KCNIP1: variants seen among roughly 807,000 people sequenced by gnomAD.
The protein encoded by KCNIP1 is A-type potassium channel modulatory protein KCNIP1.
Under a neutral mutation model 33.0 loss-of-function variants are expected in KCNIP1, and 18 were observed. The observed-to-expected ratio is 0.55, with a 90% confidence interval of 0.38 to 0.81. The LOEUF is 0.81. KCNIP1 is among the 30% of genes least tolerant of loss of function. KCNIP1 has a pLI of 0.00. For missense variants in KCNIP1, 238 were observed against 271.6 expected (o/e 0.88, Z 0.87); for synonymous variants, 93 against 98.3 (o/e 0.95, Z 0.32).
intron 1 of KCNIP1, among the ~76,000 whole-genome samples, chr5:170,662,423 C>T (rs147008181): frequency 2.0e-5 from 3 of 152,202 alleles, no homozygotes; most frequent in Non-Finnish European, 2.9e-5. Context: ...GCATCCATTT[C>T]TTCCAGGTTT....
chr5:170,675,241 G>A (rs559219174), intron 1 of KCNIP1, among the ~76,000 whole-genome samples: 1 of 152,088 alleles, frequency 6.6e-6, no homozygotes, highest in South Asian at 2.1e-4. Context: ...TGAGGCTGCA[G>A]TGAACCATGA....
At chr5:170,587,421 C>CAAAAAAAAAAAAAAAAAAAAAA (rs56358014) in intron 1 of KCNIP1, among the ~76,000 whole-genome samples, 18 of 70,336 alleles carry the variant, frequency 2.6e-4, no homozygotes, top group Non-Finnish European at 4.1e-4. Flanking sequence ...GACTCTGTCT[C>CAAAAAAAAAAAAAAAAAAAAAA]AAAAAAAAAA....
At chr5:170,613,436 C>T (rs757917306) in intron 1 of KCNIP1, among the ~76,000 whole-genome samples, 7 of 152,082 alleles carry the variant, frequency 4.6e-5, no homozygotes, top group Non-Finnish European at 7.3e-5. Flanking sequence ...CCCAAAACTC[C>T]ATTAATAGGT....
In KCNIP1 at chr5:170,504,775, G is replaced by A. The variant is rs1016560941; in HGVS notation, c.61+142G>A. On this transcript the variant is annotated intron_variant, in intron 1 of 7. Transcript: ENST00000328939. The surrounding 1 kb of genome is among the most constrained non-coding windows in gnomAD (Gnocchi z 6.0). ...CAGGTGCTTGTATCCAAAGGAGAGA[G>A]AAATCGGCGGGAGGGCTGGTGTGAA... 1 of 719,424 alleles carries A rather than the reference G, an allele frequency of 1.4e-6. No homozygotes were observed. The highest frequency in any genetic ancestry group is 1.8e-5 in the African/African-American group (1 of 56,590). 44.6% of individuals were successfully genotyped at this position (719,424 alleles called of 1,614,324 possible). A position where few individuals can be genotyped will look rare whatever the true frequency, so the allele number is the denominator to read the frequency against.
In KCNIP1 at chr5:170,382,613, C is replaced by T. The variant is rs569727989; in HGVS notation, c.88+28649C>T. 183 of 152,504 alleles carry T rather than the reference C, an allele frequency of 1.2e-3. 1 individual carries two copies. In the Middle Eastern group the frequency reaches 0.013, roughly 11 times the overall value. The allele number at this position is 152,504 out of a possible 1,614,324, so 9.4% of individuals were successfully genotyped here. ...TCACCTCATTCTCTATGCCTTGCAT[C>T]CTGCGCCTGCCTGATGTTAAAAGCC... On this transcript the variant is annotated intron_variant, in intron 1 of 7. Coordinates refer to the KCNIP1 transcript ENST00000377360.
rs1475667514 is a variant in KCNIP1, at chr5:170,536,235, A to G, written c.61+31602A>G. Among the ~76,000 whole-genome samples the G allele has an allele frequency of 3.3e-5, 5 of 152,212 alleles. No individual in the cohort carries two copies. The East Asian group carries it at 5.8e-4, about 18-fold the overall frequency. On this transcript the variant is annotated intron_variant, in intron 1 of 7. Transcript: ENST00000328939. The stretch of plus-strand genomic sequence containing the variant: ...ACCAAGGGCTCCTGGGCCTTAAACT[A>G]GGCGCTCCTTGCATTAGCCTGTGGC...
rs535995422 is a variant in KCNIP1 at position 170,623,144 on chromosome 5, G to A, written c.62-95614G>A. Among the ~76,000 whole-genome samples, 10 of 152,350 alleles carry A rather than the reference G, an allele frequency of 6.6e-5. No homozygotes were observed. The South Asian group carries it at 1.9e-3, about 28-fold the overall frequency. ...GTAATGCTTGCTCGCCAGCTCACCT[G>A]CTGTGCAGCCGGGGTCCTAACAGGC... On this transcript the variant is annotated intron_variant, in intron 1 of 7. Coordinates refer to ENST00000328939, the MANE Select transcript of KCNIP1 (RefSeq NM_014592.4).
intron 1 of KCNIP1, among the ~76,000 whole-genome samples, chr5:170,718,153 G>C (rs1763697418): frequency 6.6e-6 from 1 of 152,018 alleles, no homozygotes; most frequent in African/African-American, 2.4e-5. Context: ...CTTTCAAATG[G>C]TTTGTACAAA....
intron 1 of KCNIP1, among the ~76,000 whole-genome samples, chr5:170,541,082 T>C (rs770698479): frequency 3.9e-5 from 6 of 152,198 alleles, no homozygotes; most frequent in Admixed American, 6.5e-5. Flanking sequence ...AGCTATGAAG[T>C]ATGAGCTTGA....
intron 1 of KCNIP1, among the ~76,000 whole-genome samples, chr5:170,492,363 A>G (rs1490487026): frequency 6.6e-6 from 1 of 152,250 alleles, no homozygotes; most frequent in Non-Finnish European, 1.5e-5. Flanking sequence ...TTGGGGGATG[A>G]GGCATCGAGT....
intron 1 of KCNIP1, among the ~76,000 whole-genome samples, chr5:170,464,552 A>C (rs940328519): frequency 7.9e-5 from 12 of 152,340 alleles, no homozygotes; most frequent in Non-Finnish European, 1.8e-4. Context: ...ATCATCTCAA[A>C]ACCTCACAAC....
chr5:170,554,851 C>T (rs773809738), intron 1 of KCNIP1, among the ~76,000 whole-genome samples: 6 of 152,066 alleles, frequency 3.9e-5, no homozygotes, highest in African/African-American at 1.4e-4. Flanking sequence ...CACCCAGAGC[C>T]TGTTAGGAAG....
At chr5:170,621,975 C>T (rs1759622013) in intron 1 of KCNIP1, among the ~76,000 whole-genome samples, 1 of 152,124 alleles carries the variant, frequency 6.6e-6, no homozygotes, top group Admixed American at 6.6e-5. Flanking sequence ...AGTTCCAGTC[C>T]CAGTTCCCCT....
upstream of KCNIP1, among the ~76,000 whole-genome samples, chr5:170,502,502 T>A (rs112334852): frequency 0.013 from 2,017 of 152,278 alleles, 35 homozygotes; most frequent in African/African-American, 0.045. Flanking sequence ...ACTGTCATGC[T>A]GTTTTGCTGT....
intron 1 of KCNIP1, among the ~76,000 whole-genome samples, chr5:170,428,062 C>T (rs1003248980): frequency 6.6e-6 from 1 of 152,260 alleles, no homozygotes; most frequent in African/African-American, 2.4e-5. Context: ...CAACTATTCC[C>T]TGCCCACCTG....
At chr5:170,563,632 GT>G (rs34263461) in intron 1 of KCNIP1, among the ~76,000 whole-genome samples, 11,766 of 149,076 alleles carry the variant, frequency 0.079, 1,503 homozygotes, top group African/African-American at 0.26. Context: ...AAGGTGTTTT[GT>G]TTTTTTTTTT....
intron 1 of KCNIP1, among the ~76,000 whole-genome samples, chr5:170,682,835 G>A (rs1166116108): frequency 8.8e-5 from 10 of 113,800 alleles, no homozygotes; most frequent in Admixed American, 5.0e-4. Flanking sequence ...CACCATGTTG[G>A]CCAGGCTGGT....
At chr5:170,461,642 C>T (rs564458768) in intron 1 of KCNIP1, among the ~76,000 whole-genome samples, 3 of 151,676 alleles carry the variant, frequency 2.0e-5, no homozygotes, top group Non-Finnish European at 4.4e-5. Flanking sequence ...CCCAGCTACT[C>T]GGGAGGCTGA....
At chr5:170,594,011 A>G (rs750844318) in intron 1 of KCNIP1, among the ~76,000 whole-genome samples, 1 of 152,232 alleles carries the variant, frequency 6.6e-6, no homozygotes, top group Non-Finnish European at 1.5e-5. Flanking sequence ...ATCTTGTGTC[A>G]AGAGCTTGAG....
Sources: allele counts gnomAD v4.1 joint callset (sites outside exome capture counted in the v4.1 genomes callset), GRCh38; gene constraint gnomAD v4.1.1; non-coding constraint Gnocchi (gnomAD v3.1); transcripts MANE v1.5; gene names NCBI Gene and HGNC (gene_info 2026-07-23, HGNC 2026-07-21).